The following SS18L1 variants were observed in gnomAD, a reference collection of about 807,000 sequenced individuals.
SS18L1 encodes the protein calcium-responsive transactivator.
In SS18L1, 32 loss-of-function variants were observed where a neutral mutation model predicts 70.3. The ratio of observed to expected loss-of-function variants is 0.46; its 90% CI spans 0.34 to 0.61. SS18L1 has a LOEUF of 0.61. Among genes scored for constraint, SS18L1 ranks in the 20% least tolerant of loss-of-function variants. The pLI, the probability that SS18L1 is intolerant of heterozygous loss-of-function variation, is 0.01. For synonymous variants in SS18L1, 237 were observed against 229.7 expected (o/e 1.03, Z -0.29); for missense variants, 430 against 542.1 (o/e 0.79, Z 2.05).
Position 62,174,646 on chromosome 20 carries a change from C to T in SS18L1, c.1164+2C>T, listed in dbSNP as rs1316428497. On this transcript the variant is annotated splice_donor_variant, in intron 10 of 10. Coordinates refer to ENST00000331758, the MANE Select transcript of SS18L1 (RefSeq NM_198935.3). LOFTEE classifies it low-confidence loss of function (GC_TO_GT_DONOR). The surrounding 1 kb of genome is among the most constrained non-coding windows in gnomAD (Gnocchi z 4.1). Reference sequence around the variant, plus strand: ...CAGCGGCCCTACGGCTATGAACAGGCAAGCTTTCTGGATGTTTCCAGATGT... The same window carrying T: ...CAGCGGCCCTACGGCTATGAACAGGTAAGCTTTCTGGATGTTTCCAGATGT... 1.2e-6 allele frequency: 2 copies of T among 1,613,348 alleles called. No individual in the cohort carries two copies. The highest frequency in any genetic ancestry group is 1.1e-5 in the South Asian group (1 of 91,078).
At chr20:62,150,633 ATTTT>A (rs34708339) in intron 1 of SS18L1, among the ~76,000 whole-genome samples, 49 of 58,032 alleles carry the variant, frequency 8.4e-4, no homozygotes, top group African/African-American at 1.5e-3. Flanking sequence ...ATTGAGGTGG[ATTTT>A]TTTTTTTTTT....
At position 62,174,554 on chromosome 20, in the gene SS18L1, C is replaced by T. The variant is rs757492180; in HGVS notation, c.1074C>T (p.Tyr358=). 1.2e-6 allele frequency: 2 copies of T among 1,614,058 alleles called. No individual in the cohort carries two copies. The highest frequency in any genetic ancestry group is 8.5e-7 in the Non-Finnish European group (1 of 1,180,034). ...GAGCCCCGTCACAGTACCCCGGCTA[C>T]CAGCAAGGCCAAGGCCAGCAGTACG... The part of the protein sequence containing the change: ...AQGAPSQYPG[Y]QQGQGQQYGS... Residue 358 remains tyrosine (Y), a synonymous_variant, in exon 10 of 11, where the codon TAC becomes TAT. Transcript: ENST00000331758. This position sits in a 1 kb window ranked among gnomAD's most constrained non-coding sequence, Gnocchi z 4.1.
rs563177240 is a variant in SS18L1, at chr20:62,179,315, C to T, written c.*107C>T. ...GTGACATGTTGGTTACCTGTTCGCCCAGTGCCACGTCTGCATGTGAAGCGT... is the reference window on the plus strand; with the variant it reads ...GTGACATGTTGGTTACCTGTTCGCCTAGTGCCACGTCTGCATGTGAAGCGT... On this transcript the variant is annotated 3_prime_UTR_variant, in exon 11 of 11. Coordinates refer to ENST00000331758, the MANE Select transcript of SS18L1 (RefSeq NM_198935.3). 54 of 1,268,740 alleles carry T rather than the reference C, an allele frequency of 4.3e-5. No homozygotes were observed. Among genetic ancestry groups the T allele is most frequent in the Non-Finnish European group, 5.6e-5 (49 of 872,710 alleles). 78.6% of individuals were successfully genotyped at this position (1,268,740 alleles called of 1,614,324 possible). A position where few individuals can be genotyped will look rare whatever the true frequency, so the allele number is the denominator to read the frequency against.
chr20:62,163,002 G>C, intron 5 of SS18L1, 71 bp downstream of exon 5: 1 of 1,550,864 alleles, frequency 6.4e-7, no homozygotes, highest in East Asian at 2.4e-5. Flanking sequence ...ATGCACGTTG[G>C]ACATGTGGTC....
In SS18L1 at chr20:62,159,749, G is replaced by A. The variant is rs1266890456; in HGVS notation, c.147-128G>A. On this transcript the variant is annotated intron_variant, in intron 2 of 10. Coordinates refer to ENST00000331758, the MANE Select transcript of SS18L1 (RefSeq NM_198935.3). The surrounding 1 kb of genome is among the most constrained non-coding windows in gnomAD (Gnocchi z 4.4). The stretch of plus-strand genomic sequence containing the variant: ...CCTGTGTCCAGCTGGGTGTCATCTG[G>A]GGTCCATGTCCTCATGGGGTTTGGC... 2 of 856,402 alleles carry A rather than the reference G, an allele frequency of 2.3e-6. No individual in the cohort carries two copies. The highest frequency in any genetic ancestry group is 2.5e-5 in the Admixed American group (1 of 40,696). The allele number at this position is 856,402 out of a possible 1,614,324, so 53.1% of individuals were successfully genotyped here.
rs556126546 is a variant in SS18L1, at chr20:62,159,377, G to C, written c.147-500G>C. Among the ~76,000 whole-genome samples the C allele has an allele frequency of 4.3e-4, 65 of 152,332 alleles. No individual in the cohort carries two copies. The highest frequency in any genetic ancestry group is 1.5e-3 in the African/African-American group (64 of 41,578). On this transcript the variant is annotated intron_variant, in intron 2 of 10. Coordinates refer to ENST00000331758, the MANE Select transcript of SS18L1 (RefSeq NM_198935.3). The surrounding 1 kb of genome is among the most constrained non-coding windows in gnomAD (Gnocchi z 4.4). ...CTCAGACACCCCTGGGTGTGGGTGG[G>C]GTGAAGGGACTGGGTCCCCACTGGT...
chr20:62,154,583 C>T, intron 1 of SS18L1: 3 of 987,606 alleles, frequency 3.0e-6, no homozygotes, highest in Non-Finnish European at 3.6e-6. Context: ...GACACAGCTC[C>T]TCCGGAAGTC....
chr20:62,177,328 G>A (rs925269111), intron 10 of SS18L1, among the ~76,000 whole-genome samples: 12 of 151,888 alleles, frequency 7.9e-5, no homozygotes, highest in African/African-American at 2.9e-4. Context: ...TGGTTTTATA[G>A]GGCTCCAGGG....
chr20:62,163,082 T>C, intron 5 of SS18L1, 151 bp downstream of exon 5: 1 of 1,076,652 alleles, frequency 9.3e-7, no homozygotes, highest in Non-Finnish European at 1.3e-6. Flanking sequence ...CCGCTGCCTC[T>C]GAGAGCTTCC....
intron 1 of SS18L1, among the ~76,000 whole-genome samples, chr20:62,148,306 T>C (rs2145691473): frequency 6.9e-6 from 1 of 144,842 alleles, no homozygotes; most frequent in South Asian, 2.3e-4. Context: ...CTTGGCCTCC[T>C]TGCTGTCTTA....
chr20:62,143,789 G>A lies in SS18L1; in HGVS notation c.-32G>A. On this transcript the variant is annotated 5_prime_UTR_variant, in exon 1 of 11. Transcript: ENST00000331758. ...CCAGCGCAGCCGGAGTATCCACCTCGATGACCACGGGCTGAGCCCCGCGCC... is the reference window on the plus strand; with the variant it reads ...CCAGCGCAGCCGGAGTATCCACCTCAATGACCACGGGCTGAGCCCCGCGCC... 7.6e-7 allele frequency: 1 copy of A among 1,317,324 alleles called. No homozygotes were observed. Among genetic ancestry groups the A allele is most frequent in the Non-Finnish European group, 1.0e-6 (1 of 1,001,526 alleles). The allele number at this position is 1,317,324 out of a possible 1,614,324, so 81.6% of individuals were successfully genotyped here.
chr20:62,146,558 G>T (rs1054845221), intron 1 of SS18L1, among the ~76,000 whole-genome samples: 1 of 149,312 alleles, frequency 6.7e-6, no homozygotes, highest in East Asian at 2.0e-4. Context: ...GGCAGCCCTT[G>T]GTGTTCTCTG....
chr20:62,167,396 C>T (rs1023809417), intron 8 of SS18L1, among the ~76,000 whole-genome samples: 11 of 143,290 alleles, frequency 7.7e-5, no homozygotes, highest in African/African-American at 2.4e-4. Context: ...CTTTCTCTCC[C>T]GAAAAAAAAA....
intron 10 of SS18L1, among the ~76,000 whole-genome samples, chr20:62,178,910 C>T (rs1457839860): frequency 6.6e-6 from 1 of 152,222 alleles, no homozygotes; most frequent in Non-Finnish European, 1.5e-5. Flanking sequence ...CATAGCAGGC[C>T]CAGCATAAGG....
chr20:62,145,569 C>T (rs539359824), intron 1 of SS18L1, among the ~76,000 whole-genome samples: 6 of 152,360 alleles, frequency 3.9e-5, no homozygotes, highest in African/African-American at 1.4e-4. Context: ...ACTTCGCACA[C>T]AGTTCCATTG....
At chr20:62,175,198 C>T (rs1452247961) in intron 10 of SS18L1, 2 of 974,508 alleles carry the variant, frequency 2.1e-6, no homozygotes, top group Admixed American at 6.2e-5. Flanking sequence ...CCCTTTCTGC[C>T]CAGGAACAGT....
chr20:62,147,896 C>T (rs1367972836), intron 1 of SS18L1, among the ~76,000 whole-genome samples: 2 of 152,110 alleles, frequency 1.3e-5, no homozygotes, highest in Non-Finnish European at 2.9e-5. Context: ...GGATGGGCTG[C>T]GGAGGATGGG....
intron 8 of SS18L1, among the ~76,000 whole-genome samples, chr20:62,166,188 C>T (rs1258133978): frequency 6.6e-6 from 1 of 152,244 alleles, no homozygotes; most frequent in Non-Finnish European, 1.5e-5. Flanking sequence ...AAAGATGGCC[C>T]CCAGAGAAGA....
intron 1 of SS18L1, among the ~76,000 whole-genome samples, chr20:62,157,933 T>G (rs937149505): frequency 3.3e-5 from 5 of 152,076 alleles, no homozygotes; most frequent in Non-Finnish European, 7.4e-5. Flanking sequence ...CCCCAGACCC[T>G]TTCCTTCCCT....
Sources: allele counts gnomAD v4.1 joint callset (sites outside exome capture counted in the v4.1 genomes callset), GRCh38; gene constraint gnomAD v4.1.1; non-coding constraint Gnocchi (gnomAD v3.1); transcripts MANE v1.5; gene names NCBI Gene and HGNC (gene_info 2026-07-23, HGNC 2026-07-21).